PABPC4: variants seen among roughly 807,000 people sequenced by gnomAD.
PABPC4 encodes polyadenylate-binding protein 4.
In PABPC4, 15 loss-of-function variants were observed where a neutral mutation model predicts 74.5. That is an observed-to-expected ratio of 0.20 (90% CI 0.13 to 0.31). The LOEUF (loss-of-function observed/expected upper bound fraction) is 0.31, where lower values mean the gene tolerates loss of function less well. Ranked by LOEUF, PABPC4 falls within the 10% of genes least tolerant of loss-of-function variation. The probability of loss-of-function intolerance (pLI) is 1.00; values close to 1 mark genes in which losing one functional copy is unlikely to be tolerated. For synonymous variants in PABPC4, 345 were observed against 303.0 expected (o/e 1.14, Z -1.44); for missense variants, 610 against 853.5 (o/e 0.71, Z 3.55).
At chr1:39,562,452 G>C (rs571998042) in intron 12 of PABPC4, 36 bp from the exon 13 acceptor site, 1 of 1,483,416 alleles carries the variant, frequency 6.7e-7, no homozygotes, top group East Asian at 2.3e-5. Context: ...TAGCACTGAG[G>C]AAAGGACAAC....
intron 3 of PABPC4, 131 bp downstream of exon 3, chr1:39,571,103 T>G: frequency 6.4e-7 from 1 of 1,551,006 alleles, no homozygotes; most frequent in Non-Finnish European, 8.7e-7. Context: ...TCACCAGCCC[T>G]GGAGTGGAGA....
chr1:39,562,093 G>C lies in PABPC4; in HGVS notation c.1873C>G (p.Pro625Ala), dbSNP rs779538157. ...CTCACCTTGGAGCGGAGAGACTCGG[G>C]GGACTCTAACATGTGCAGCAGCTCA... ...NSELLHMLES[P>A]ESLRSKVDEA... Residue 625 changes from proline to alanine, a missense_variant, in exon 14 of 16, where the codon CCC becomes GCC. Pro to Ala is a conservative substitution (Grantham distance 27). Coordinates refer to ENST00000372858, the MANE Select transcript of PABPC4 (RefSeq NM_001135653.2). 2.5e-6 allele frequency: 4 copies of C among 1,613,218 alleles called. No homozygotes were observed. The highest frequency in any genetic ancestry group is 3.4e-6 in the Non-Finnish European group (4 of 1,179,994).
At chr1:39,563,765 T>C in intron 11 of PABPC4, 24 bp from the exon 12 acceptor site, 1 of 1,613,748 alleles carries the variant, frequency 6.2e-7, no homozygotes, top group Non-Finnish European at 8.5e-7. Flanking sequence ...CAAATACAAT[T>C]AAAGCCCATC....
At chr1:39,563,399 G>A in intron 12 of PABPC4, 1 of 560,604 alleles carries the variant, frequency 1.8e-6, no homozygotes, top group Non-Finnish European at 3.1e-6. Context: ...CCCGCTCTGA[G>A]GCATTTCTGA....
chr1:39,571,383 C>A (rs1244809565), intron 2 of PABPC4, 34 bp from the exon 3 acceptor site: 2 of 1,612,220 alleles, frequency 1.2e-6, no homozygotes, highest in Non-Finnish European at 1.7e-6. Context: ...TTTAGCAGAA[C>A]TGGCCAGCTC....
intron 12 of PABPC4, 63 bp downstream of exon 12, chr1:39,563,551 C>A: frequency 6.4e-7 from 1 of 1,572,744 alleles, no homozygotes; most frequent in Non-Finnish European, 8.6e-7. Context: ...AAAAGCACAG[C>A]TTCTTTTACA....
rs778491343 is a variant in PABPC4, at chr1:39,561,072, G to A, written c.*64C>T. On this transcript the variant is annotated 3_prime_UTR_variant, in exon 16 of 16. Coordinates refer to ENST00000372858, the MANE Select transcript of PABPC4 (RefSeq NM_001135653.2). ...TGAGGTCCATAGGACAAGCTAGGAA[G>A]TCTTCAAACCTTGAGTTGAATTCCA... 11 of 469,238 alleles carry A rather than the reference G, an allele frequency of 2.3e-5. No individual in the cohort carries two copies. The highest frequency in any genetic ancestry group is 1.7e-4 in the South Asian group (11 of 64,406). The allele number at this position is 469,238 out of a possible 1,614,324, so 29.1% of individuals were successfully genotyped here.
At chr1:39,574,573 GCTC>G (rs1348333438) in intron 1 of PABPC4, among the ~76,000 whole-genome samples, 1 of 152,170 alleles carries the variant, frequency 6.6e-6, no homozygotes, top group Non-Finnish European at 1.5e-5. Context: ...CTACCTTTGC[GCTC>G]CTATGGCCAT....
chr1:39,569,706 G>T lies in PABPC4; in HGVS notation c.644-17C>A. ...GGGTCTTACCTATTACCAAAGGACA[G>T]AACTATTAGTAACACCATCTTGAGC... On this transcript the variant is annotated splice_polypyrimidine_tract_variant and intron_variant, in intron 4 of 15. Transcript: ENST00000372858. 2 of 1,600,394 alleles carry T rather than the reference G, an allele frequency of 1.2e-6. No homozygotes were observed. The highest frequency in any genetic ancestry group is 1.7e-6 in the Non-Finnish European group (2 of 1,167,472).
rs773717248 is a variant in PABPC4, at chr1:39,565,139, T to C, written c.1212A>G (p.Ala404=). 6.2e-7 allele frequency: 1 copy of C among 1,614,044 alleles called. No individual in the cohort carries two copies. The highest frequency in any genetic ancestry group is 1.7e-5 in the Admixed American group (1 of 60,008). The change falls in exon 8 of 16, where the codon GCA becomes GCG. Residue 404 remains alanine (A), a synonymous_variant. Transcript: ENST00000372858. ...ANAILNQFQP[A]AGGYFVPAVP... is the part of the protein sequence containing the mutation. ...CTGCTGGCACAAAGTAGCCACCCGCTGCAGGCTGGAACTGATTTAAGATGG... is the reference window on the plus strand; with the variant it reads ...CTGCTGGCACAAAGTAGCCACCCGCCGCAGGCTGGAACTGATTTAAGATGG...
In PABPC4 at chr1:39,567,864, C is replaced by G. The variant is rs1481163288; in HGVS notation, c.877-18G>C. 7.4e-7 allele frequency: 1 copy of G among 1,348,728 alleles called. No homozygotes were observed. The highest frequency in any genetic ancestry group is 1.2e-5 in the South Asian group (1 of 85,056). The allele number at this position is 1,348,728 out of a possible 1,614,324, so 83.5% of individuals were successfully genotyped here. A position where few individuals can be genotyped will look rare whatever the true frequency, so the allele number is the denominator to read the frequency against. Reference sequence around the variant, plus strand: ...TTCACCCCCTGAAGGAAAAAGATCACTGTTAACTACACTTCTATATCACAA... The same window carrying G: ...TTCACCCCCTGAAGGAAAAAGATCAGTGTTAACTACACTTCTATATCACAA... On this transcript the variant is annotated intron_variant, in intron 6 of 15. Transcript: ENST00000372858.
At chr1:39,575,724 G>T in intron 1 of PABPC4, 35 bp downstream of exon 1, 1 of 1,486,410 alleles carries the variant, frequency 6.7e-7, no homozygotes, top group Non-Finnish European at 9.0e-7. Flanking sequence ...GGTCCTCCGG[G>T]CTCCCACGCA....
intron 1 of PABPC4, among the ~76,000 whole-genome samples, chr1:39,574,523 G>C (rs1376170139): frequency 1.3e-5 from 2 of 152,190 alleles, no homozygotes; most frequent in Non-Finnish European, 2.9e-5. Context: ...GCAGACAACA[G>C]CTAATGTGGT....
Position 39,576,759 on chromosome 1 carries a change from G to A in PABPC4, c.-808C>T, listed in dbSNP as rs1459519744. 4.7e-5 allele frequency: 7 copies of A among 150,122 alleles called. No homozygotes were observed. The highest frequency in any genetic ancestry group is 3.9e-4 in the East Asian group (2 of 5,158). The allele number at this position is 150,122 out of a possible 1,614,324, so 9.3% of individuals were successfully genotyped here. On this transcript the variant is annotated 5_prime_UTR_variant, in exon 1 of 16. Coordinates refer to ENST00000372858, the MANE Select transcript of PABPC4 (RefSeq NM_001135653.2). ...CCTCAGGCTGCGAAGCCCGAAAGCG[G>A]CGGAGGCGGCAGCGACCCGGGGCGG...
intron 12 of PABPC4, 56 bp from the exon 13 acceptor site, chr1:39,562,472 T>TGGTTGA: frequency 7.9e-7 from 1 of 1,261,776 alleles, no homozygotes. Context: ...CACCTGATGG[T>TGGTTGA]GGTTGAGTGC....
chr1:39,576,154 A>T lies in PABPC4; in HGVS notation c.-203T>A. 2.0e-6 allele frequency: 1 copy of T among 505,428 alleles called. No individual in the cohort carries two copies. The highest frequency in any genetic ancestry group is 3.5e-6 in the Non-Finnish European group (1 of 286,234). 31.3% of individuals were successfully genotyped at this position (505,428 alleles called of 1,614,324 possible). A position where few individuals can be genotyped will look rare whatever the true frequency, so the allele number is the denominator to read the frequency against. ...CCGGCTCCCACGGCCGCAGCACCGC[A>T]GACAAAAGGCTCTCCGCACAATACG... On this transcript the variant is annotated 5_prime_UTR_variant, in exon 1 of 16. Transcript: ENST00000372858.
intron 4 of PABPC4, 69 bp from the exon 5 acceptor site, chr1:39,569,758 C>G: frequency 6.3e-7 from 1 of 1,586,456 alleles, no homozygotes; most frequent in South Asian, 1.1e-5. Context: ...AGGCTTCCCT[C>G]TGGAAACTCA....
chr1:39,563,328 G>A (rs1208511715), intron 12 of PABPC4: 8 of 371,982 alleles, frequency 2.2e-5, no homozygotes, highest in Non-Finnish European at 3.9e-5. Context: ...AAGTGACCTG[G>A]AGGCTCAAAC....
chr1:39,575,739 T>C lies in PABPC4; in HGVS notation c.193+20A>G, dbSNP rs777883674. 2.6e-6 allele frequency: 4 copies of C among 1,549,624 alleles called. No homozygotes were observed. Among genetic ancestry groups the C allele is most frequent in the Admixed American group, 3.6e-5 (2 of 54,874 alleles). ...GGTCCTCCGGGCTCCCACGCACGTG[T>C]GGGCACAGCTTCTACTCACCGTCGG... On this transcript the variant is annotated intron_variant, in intron 1 of 15. Transcript: ENST00000372858.
Sources: gnomAD v4.1 joint callset for allele counts (sites outside exome capture counted in the v4.1 genomes callset) on GRCh38, gnomAD v4.1.1 for gene constraint, MANE v1.5 for transcripts, NCBI Gene and HGNC (gene_info 2026-07-23, HGNC 2026-07-21) for gene names.